PTDSS1: variants seen among roughly 807,000 people sequenced by gnomAD.
PTDSS1 encodes PSS-1.
In PTDSS1, 45 loss-of-function variants were observed where a neutral mutation model predicts 70.5. That is an observed-to-expected ratio of 0.64 (90% CI 0.50 to 0.82). The LOEUF is 0.82. PTDSS1 is among the 40% of genes least tolerant of loss of function. The pLI, the probability that PTDSS1 is intolerant of heterozygous loss-of-function variation, is 0.00. For missense variants in PTDSS1, 417 were observed against 586.1 expected (o/e 0.71, Z 2.98); for synonymous variants, 188 against 203.8 (o/e 0.92, Z 0.66).
chr8:96,313,430 T>G (rs2130135880), intron 9 of PTDSS1, among the ~76,000 whole-genome samples: 1 of 152,300 alleles, frequency 6.6e-6, no homozygotes, highest in East Asian at 1.9e-4. Flanking sequence ...TGTGAACAAA[T>G]TCTCCAGGTG....
intron 9 of PTDSS1, among the ~76,000 whole-genome samples, chr8:96,310,724 C>G (rs1811198662): frequency 6.6e-6 from 1 of 152,006 alleles, no homozygotes; most frequent in Admixed American, 6.6e-5. Context: ...TACTAACATA[C>G]AGCAGCATGG....
chr8:96,279,121 C>T (rs1275575074), intron 2 of PTDSS1, among the ~76,000 whole-genome samples: 1 of 151,716 alleles, frequency 6.6e-6, no homozygotes, highest in Non-Finnish European at 1.5e-5. Context: ...CAGGTGCATG[C>T]CACCACGCCC....
rs916463087 is a variant in PTDSS1 at position 96,330,253 on chromosome 8, A to G, written c.1214A>G (p.Tyr405Cys). The G allele has an allele frequency of 1.4e-5, 22 of 1,612,712 alleles. No homozygotes were observed. Among genetic ancestry groups the G allele is most frequent in the Admixed American group, 6.7e-5 (4 of 60,004 alleles). ...CTCTGTCTGTACGGCATGATTTGGT[A>G]TGCAGAACACTATGGTCACCGAGAA... ...TFLCLYGMIWYAEHYGHREKT... is the reference protein window; with the variant it reads ...TFLCLYGMIWCAEHYGHREKT... The change falls in exon 11 of 13, where the codon TAT becomes TGT. Residue 405 changes from tyrosine to cysteine, a missense_variant. By Grantham distance (194) the Tyr-to-Cys change is radical. This residue lies in a region of PTDSS1 where 107 missense variants were observed against 122.3 expected (regional missense o/e 0.88). Coordinates refer to ENST00000517309, the MANE Select transcript of PTDSS1 (RefSeq NM_014754.3).
intron 9 of PTDSS1, among the ~76,000 whole-genome samples, chr8:96,318,819 C>T (rs1339841693): frequency 2.0e-5 from 3 of 150,878 alleles, no homozygotes; most frequent in African/African-American, 7.3e-5. Context: ...TTGTTTAGAG[C>T]CATCTACACT....
chr8:96,326,010 G>A (rs1168906395), intron 10 of PTDSS1, among the ~76,000 whole-genome samples: 2 of 152,102 alleles, frequency 1.3e-5, no homozygotes, highest in South Asian at 2.1e-4. Context: ...TCCCCACCAC[G>A]AAACCTCCCA....
intron 10 of PTDSS1, 93 bp from the exon 11 acceptor site, chr8:96,330,120 G>T (rs1811492618): frequency 1.7e-6 from 2 of 1,206,604 alleles, no homozygotes; most frequent in Non-Finnish European, 2.4e-6. Flanking sequence ...CGGCAGAAAT[G>T]CATTGAACGG....
At chr8:96,322,788 C>T (rs1811390556) in intron 10 of PTDSS1, among the ~76,000 whole-genome samples, 1 of 152,182 alleles carries the variant, frequency 6.6e-6, no homozygotes, top group Non-Finnish European at 1.5e-5. Flanking sequence ...ATATGAGTGA[C>T]AGTCAAGGCA....
At chr8:96,313,198 A>G (rs1378338551) in intron 9 of PTDSS1, among the ~76,000 whole-genome samples, 2 of 151,568 alleles carry the variant, frequency 1.3e-5, no homozygotes, top group Non-Finnish European at 2.9e-5. Context: ...ATTACTTGCT[A>G]TTGTAGCTAA....
chr8:96,316,042 C>G (rs1260364333), intron 9 of PTDSS1, among the ~76,000 whole-genome samples: 1 of 152,158 alleles, frequency 6.6e-6, no homozygotes, highest in Non-Finnish European at 1.5e-5. Flanking sequence ...AAAGTAATGT[C>G]AGCCTTCTGG....
intron 4 of PTDSS1, among the ~76,000 whole-genome samples, chr8:96,292,289 CAAAAAAAA>C (rs34282078): frequency 1.0e-4 from 9 of 87,844 alleles, no homozygotes; most frequent in South Asian, 4.3e-4. Flanking sequence ...AACGCTGTCT[CAAAAAAAA>C]AAAAAAAAAA....
intron 9 of PTDSS1, among the ~76,000 whole-genome samples, chr8:96,317,260 C>G (rs750675268): frequency 6.6e-6 from 1 of 152,004 alleles, no homozygotes; most frequent in Admixed American, 6.6e-5. Context: ...TTCCCATGCC[C>G]AGGCCTCAGT....
rs781389525 is a variant in PTDSS1, at chr8:96,299,850, G to A, written c.752+5G>A. On this transcript the variant is annotated splice_donor_5th_base_variant and intron_variant, in intron 6 of 12. Coordinates refer to ENST00000517309, the MANE Select transcript of PTDSS1 (RefSeq NM_014754.3). ...TTACCACTGGGCAAGCTTCAAGTGA[G>A]TTGCCTTCTTTTTGGATATTAGTCA... 3 of 1,599,962 alleles carry A rather than the reference G, an allele frequency of 1.9e-6. No individual in the cohort carries two copies. The highest frequency in any genetic ancestry group is 1.7e-4 in the Middle Eastern group (1 of 5,990).
At position 96,330,536 on chromosome 8, in the gene PTDSS1, G is replaced by GA. The variant is rs375291660; in HGVS notation, c.1242+262dup. 1.6e-3 allele frequency: 776 copies of GA among 484,122 alleles called. 7 individuals carry two copies. The highest frequency in any genetic ancestry group is 0.014 in the African/African-American group (707 of 51,608). The allele number at this position is 484,122 out of a possible 1,614,324, so 30.0% of individuals were successfully genotyped here. A position where few individuals can be genotyped will look rare whatever the true frequency, so the allele number is the denominator to read the frequency against. The stretch of plus-strand genomic sequence containing the variant: ...ATAAAAAAAGTTATGTTTGTTTGGA[G>GA]AAAAAAAGAAAAGTGATGGGAAAGC... On this transcript the variant is annotated intron_variant, in intron 11 of 12. Transcript: ENST00000517309.
intron 9 of PTDSS1, among the ~76,000 whole-genome samples, chr8:96,318,902 C>CTTTTTT (rs71267241): frequency 6.5e-5 from 3 of 46,168 alleles, no homozygotes; most frequent in Admixed American, 3.5e-4. Context: ...CCCTTCTTGC[C>CTTTTTT]TTTTTTTTTT....
chr8:96,306,486 T>C lies in PTDSS1; in HGVS notation c.937T>C (p.Phe313Leu). ...NTFFLKHIFV[F>L]QASHPLSWGR... ...CTTCTTCTTGAAGCATATCTTTGTG[T>C]TCCAAGCCAGTCATCCATTAAGTTG... Residue 313 changes from phenylalanine (F) to leucine (L), a missense_variant, in exon 8 of 13, where the codon TTC (phenylalanine) becomes CTC (leucine). Around this residue, in one of 3 missense-constraint regions of PTDSS1, gnomAD observed 272 missense variants for 429.5 expected, o/e 0.63. Coordinates refer to ENST00000517309, the MANE Select transcript of PTDSS1 (RefSeq NM_014754.3). The C allele has an allele frequency of 1.2e-6, 2 of 1,614,192 alleles. No individual in the cohort carries two copies. Among genetic ancestry groups the C allele is most frequent in the Non-Finnish European group, 1.7e-6 (2 of 1,180,018 alleles).
At chr8:96,266,478 C>T (rs188753186) in intron 1 of PTDSS1, among the ~76,000 whole-genome samples, 1 of 152,264 alleles carries the variant, frequency 6.6e-6, no homozygotes, top group African/African-American at 2.4e-5. Context: ...TACTTGTGGC[C>T]ACCTGTATTA....
intron 1 of PTDSS1, among the ~76,000 whole-genome samples, chr8:96,271,149 C>T (rs939317488): frequency 6.6e-6 from 1 of 152,154 alleles, no homozygotes; most frequent in South Asian, 2.1e-4. Flanking sequence ...TCTCCCCAGC[C>T]CCTCATTTTT....
At chr8:96,283,085 C>T (rs1221197124) in intron 2 of PTDSS1, among the ~76,000 whole-genome samples, 1 of 152,238 alleles carries the variant, frequency 6.6e-6, no homozygotes, top group Non-Finnish European at 1.5e-5. Flanking sequence ...CACCTGCCTA[C>T]TGCCCCTACT....
At chr8:96,263,179 G>A (rs1028467206) in intron 1 of PTDSS1, among the ~76,000 whole-genome samples, 1 of 152,150 alleles carries the variant, frequency 6.6e-6, no homozygotes, top group African/African-American at 2.4e-5. Flanking sequence ...GAGCTGCCCA[G>A]CCCAAATCTT....
Sources: allele counts gnomAD v4.1 joint callset (sites outside exome capture counted in the v4.1 genomes callset), GRCh38; gene constraint gnomAD v4.1.1; regional missense constraint gnomAD v4.1.1; transcripts MANE v1.5; gene names NCBI Gene and HGNC (gene_info 2026-07-23, HGNC 2026-07-21).